The following KLF13 variants were observed in gnomAD, a reference collection of about 807,000 sequenced individuals.
KLF13 encodes KLF transcription factor 13, also known as Krueppel-like factor 13.
In KLF13, 8 loss-of-function variants were observed where a neutral mutation model predicts 16.7. The ratio of observed to expected loss-of-function variants is 0.48; its 90% confidence interval spans 0.28 to 0.87. The LOEUF (loss-of-function observed/expected upper bound fraction) is 0.87, where lower values mean the gene tolerates loss of function less well. KLF13 is among the 40% of genes least tolerant of loss of function. The pLI is 0.10. For missense variants in KLF13, 447 were observed against 452.2 expected, an observed-to-expected ratio of 0.99 and a Z score of 0.10; for synonymous variants, 245 against 208.4, an observed-to-expected ratio of 1.18 and a Z score of -1.51.
chr15:31,400,228 C>T (rs1387095236), intron 2 of KLF13, among the ~76,000 whole-genome samples: 1 of 152,168 alleles, frequency 6.6e-6, no homozygotes, highest in East Asian at 1.9e-4. Context: ...ATCCACGGAG[C>T]GAGAGCGGTG....
rs777251052 is a variant in KLF13 at position 31,327,328 on chromosome 15, C to T, written c.116C>T (p.Ala39Val). Residue 39 changes from alanine to valine, a missense_variant, in exon 1 of 2, where the codon GCC becomes GTC. Coordinates refer to ENST00000307145, the MANE Select transcript of KLF13 (RefSeq NM_015995.4). ...EGPESRPEGA[A>V]VAATPTLPRV... ...CCGGAGTCCCGGCCCGAGGGCGCGG[C>T]CGTGGCCGCCACCCCCACGCTGCCC... 703 of 1,279,802 alleles carry T rather than the reference C, an allele frequency of 5.5e-4. 1 individual carries two copies. Among genetic ancestry groups the T allele is most frequent in the South Asian group, 1.9e-3 (82 of 42,520 alleles). 79.3% of individuals were successfully genotyped at this position (1,279,802 alleles called of 1,614,324 possible).
chr15:31,340,423 G>A (rs1288781415), intron 1 of KLF13, among the ~76,000 whole-genome samples: 1 of 152,214 alleles, frequency 6.6e-6, no homozygotes, highest in Non-Finnish European at 1.5e-5. Flanking sequence ...CCTGCGGTTG[G>A]GTGGCACAGG....
chr15:31,339,986 AG>A (rs1309144856), intron 1 of KLF13: 11 of 702,266 alleles, frequency 1.6e-5, no homozygotes, highest in Non-Finnish European at 2.3e-5. Context: ...TGGAGGAGCC[AG>A]GTGAGGATCC....
At chr15:31,347,611 A>G (rs1332665874) in intron 1 of KLF13, among the ~76,000 whole-genome samples, 1 of 152,194 alleles carries the variant, frequency 6.6e-6, no homozygotes, top group Middle Eastern at 3.2e-3. Context: ...AAGCCAGCGG[A>G]GCCTCAGAGT....
At chr15:31,416,893 G>A (rs2040262002) in intron 1 of KLF13, among the ~76,000 whole-genome samples, 1 of 152,212 alleles carries the variant, frequency 6.6e-6, no homozygotes. Flanking sequence ...CAAAGTTCAT[G>A]TGTTGGAAAC....
At chr15:31,344,775 A>T (rs1038416262) in intron 1 of KLF13, among the ~76,000 whole-genome samples, 5 of 150,266 alleles carry the variant, frequency 3.3e-5, no homozygotes, top group African/African-American at 7.3e-5. Flanking sequence ...TGCAGAAAAG[A>T]GCTGGGAGGA....
chr15:31,338,915 G>A (rs531360521), intron 1 of KLF13, among the ~76,000 whole-genome samples: 65 of 152,028 alleles, frequency 4.3e-4, no homozygotes, highest in Non-Finnish European at 7.2e-4. Flanking sequence ...CAGCAGGTGG[G>A]TATACAGGGG....
downstream of KLF13, among the ~76,000 whole-genome samples, chr15:31,382,248 C>G (rs1388259061): frequency 6.6e-6 from 1 of 152,230 alleles, no homozygotes; most frequent in Non-Finnish European, 1.5e-5. Context: ...GCAGCAGCCA[C>G]TTGCCCAGAT....
intron 1 of KLF13, among the ~76,000 whole-genome samples, chr15:31,360,497 G>T (rs971885350): frequency 6.6e-6 from 1 of 152,188 alleles, no homozygotes; most frequent in Non-Finnish European, 1.5e-5. Flanking sequence ...TCTGCAAGAG[G>T]GTTTTTGAAC....
chr15:31,360,317 A>C (rs1205731797), intron 1 of KLF13, among the ~76,000 whole-genome samples: 1 of 152,150 alleles, frequency 6.6e-6, no homozygotes, highest in African/African-American at 2.4e-5. Flanking sequence ...TCTCCTGAGA[A>C]GAGGTGGCCC....
At chr15:31,406,305 C>G (rs762101139), downstream of KLF13, among the ~76,000 whole-genome samples, 11 of 152,132 alleles carry the variant, frequency 7.2e-5, no homozygotes, top group African/African-American at 2.7e-4. Flanking sequence ...GGCGAAACCC[C>G]ATCTCTACTA....
chr15:31,395,990 C>T (rs1050429827), intron 2 of KLF13, among the ~76,000 whole-genome samples: 7 of 152,156 alleles, frequency 4.6e-5, no homozygotes, highest in Non-Finnish European at 7.4e-5. Flanking sequence ...CTGTGATACA[C>T]GTGCCCTGGG....
intron 2 of KLF13, among the ~76,000 whole-genome samples, chr15:31,396,870 T>C (rs2039957901): frequency 6.6e-6 from 1 of 152,176 alleles, no homozygotes; most frequent in African/African-American, 2.4e-5. Context: ...GTTACAGTCT[T>C]TGTTTTAAAC....
At chr15:31,362,566 G>A (rs1486590084) in intron 1 of KLF13, among the ~76,000 whole-genome samples, 2 of 152,158 alleles carry the variant, frequency 1.3e-5, no homozygotes, top group African/African-American at 4.8e-5. Flanking sequence ...TTTTAAATTG[G>A]CATTATTGAT....
At chr15:31,391,437 G>A (rs1299306653), upstream of KLF13, among the ~76,000 whole-genome samples, 1 of 150,138 alleles carries the variant, frequency 6.7e-6, no homozygotes, top group Non-Finnish European at 1.5e-5. Flanking sequence ...TTGGGGGGCT[G>A]TGCTCCAAAT....
At chr15:31,332,505 C>T (rs932620880) in intron 1 of KLF13, among the ~76,000 whole-genome samples, 15 of 151,366 alleles carry the variant, frequency 9.9e-5, no homozygotes, top group Non-Finnish European at 8.8e-5. Flanking sequence ...CATCTCCACT[C>T]CCCCCTTCCC....
chr15:31,354,324 G>A (rs1342963375), intron 1 of KLF13, among the ~76,000 whole-genome samples: 1 of 152,214 alleles, frequency 6.6e-6, no homozygotes, highest in Non-Finnish European at 1.5e-5. Flanking sequence ...GAGGAGGAAT[G>A]GCCTCCAGGC....
intron 1 of KLF13, among the ~76,000 whole-genome samples, chr15:31,384,209 C>T (rs1359481413): frequency 2.0e-5 from 3 of 152,148 alleles, no homozygotes; most frequent in African/African-American, 4.8e-5. Flanking sequence ...AAGGCTGAGG[C>T]GGGCAGATCA....
At chr15:31,415,815 T>C (rs2040247989) in intron 1 of KLF13, among the ~76,000 whole-genome samples, 1 of 151,274 alleles carries the variant, frequency 6.6e-6, no homozygotes, top group Non-Finnish European at 1.5e-5. Context: ...TAAAAAACAA[T>C]AGATGGACAA....
Sources: gnomAD v4.1 joint callset for allele counts (sites outside exome capture counted in the v4.1 genomes callset) on GRCh38, gnomAD v4.1.1 for gene constraint, MANE v1.5 for transcripts, NCBI Gene and HGNC (gene_info 2026-07-23, HGNC 2026-07-21) for gene names.